INTU: variants seen among roughly 807,000 people sequenced by gnomAD.
The protein encoded by INTU is inturned planar cell polarity protein, also known as protein inturned.
Under a neutral mutation model 100.5 loss-of-function variants are expected in INTU, and 68 were observed. That is an observed-to-expected ratio of 0.68 (90% CI 0.56 to 0.83). The LOEUF (loss-of-function observed/expected upper bound fraction) is 0.83, where lower values mean the gene tolerates loss of function less well. INTU is among the 40% of genes least tolerant of loss of function. The pLI is 0.00. For missense variants in INTU, 1,071 were observed against 1,114.7 expected (o/e 0.96, Z 0.56); for synonymous variants, 357 against 395.7 (o/e 0.90, Z 1.16).
chr4:127,681,691 G>A (rs1224344836), intron 6 of INTU, among the ~76,000 whole-genome samples: 1 of 152,142 alleles, frequency 6.6e-6, no homozygotes, highest in African/African-American at 2.4e-5. Flanking sequence ...ACATAGGCAT[G>A]GGCAAGGACT....
chr4:127,650,037 C>A (rs1177268084), intron 2 of INTU, among the ~76,000 whole-genome samples: 1 of 151,912 alleles, frequency 6.6e-6, no homozygotes, highest in African/African-American at 2.4e-5. Flanking sequence ...TTTTAAAGTA[C>A]ACGGAAAAGG....
chr4:127,656,984 A>G (rs1322921052), intron 3 of INTU, among the ~76,000 whole-genome samples: 2 of 152,186 alleles, frequency 1.3e-5, no homozygotes, highest in African/African-American at 4.8e-5. Context: ...ACATAATTGC[A>G]AACTTGCCAT....
chr4:127,706,666 T>G lies in INTU; in HGVS notation c.1968T>G (p.Cys656Trp), dbSNP rs770362388. 2 of 1,614,004 alleles carry G rather than the reference T, an allele frequency of 1.2e-6. No homozygotes were observed. Among genetic ancestry groups the G allele is most frequent in the Non-Finnish European group, 1.7e-6 (2 of 1,179,982 alleles). The change falls in exon 12 of 16, where the codon TGT becomes TGG. Residue 656 changes from cysteine to tryptophan, a missense_variant. By Grantham distance (215) the Cys-to-Trp change is radical. Coordinates refer to ENST00000335251, the MANE Select transcript of INTU (RefSeq NM_015693.4). ...LASSPVPCLS[C>W]ADWFLTGSRE... ...CTTCTCCAGTCCCCTGTTTGTCTTG[T>G]GCTGACTGGTTCCTTACTGGATCAC...
At chr4:127,653,316 G>T in intron 2 of INTU, among the ~76,000 whole-genome samples, 3 of 129,978 alleles carry the variant, frequency 2.3e-5, no homozygotes, top group East Asian at 2.1e-4. Context: ...GTGATGTTAG[G>T]GTGTCAATTT....
At position 127,714,086 on chromosome 4, in the gene INTU, G is replaced by A; in HGVS notation, c.2710G>A (p.Val904Ile). The change falls in exon 15 of 16, where the codon GTA becomes ATA. Residue 904 changes from valine to isoleucine, a missense_variant. Val to Ile is a conservative substitution (Grantham distance 29). Transcript: ENST00000335251. ...KKAPPVMAYW[V>I]VGRLFLHPKP... The stretch of plus-strand genomic sequence containing the variant: ...AGCACCACCAGTTATGGCTTACTGG[G>A]TAGTAGGGTAAGTGAGAAAAAAAAG... The A allele has an allele frequency of 6.2e-7, 1 of 1,609,314 alleles. No individual in the cohort carries two copies. Among genetic ancestry groups the A allele is most frequent in the Non-Finnish European group, 8.5e-7 (1 of 1,178,608 alleles).
chr4:127,656,283 A>C (rs552171949), intron 2 of INTU, among the ~76,000 whole-genome samples: 2 of 152,290 alleles, frequency 1.3e-5, no homozygotes, highest in East Asian at 3.9e-4. Flanking sequence ...GGTTAGATTC[A>C]GTTTTGTCAA....
At chr4:127,643,487 C>A (rs750461329) in intron 1 of INTU, 34 bp from the exon 2 acceptor site, 3 of 1,524,924 alleles carry the variant, frequency 2.0e-6, no homozygotes, top group African/African-American at 1.4e-5. Context: ...ATATATTGGG[C>A]TGCTATTAAG....
At chr4:127,663,920 CATA>C (rs1190036381) in intron 4 of INTU, among the ~76,000 whole-genome samples, 1 of 152,000 alleles carries the variant, frequency 6.6e-6, no homozygotes, top group Non-Finnish European at 1.5e-5. Flanking sequence ...ATTACTTATA[CATA>C]ATAAAATTCA....
chr4:127,644,506 T>C (rs1269598931), intron 2 of INTU, among the ~76,000 whole-genome samples: 6 of 152,214 alleles, frequency 3.9e-5, no homozygotes, highest in Non-Finnish European at 8.8e-5. Context: ...GGTTTTCAAC[T>C]GTTTCATTTG....
At chr4:127,695,202 T>G (rs187301868) in intron 8 of INTU, among the ~76,000 whole-genome samples, 4 of 152,354 alleles carry the variant, frequency 2.6e-5, no homozygotes, top group Admixed American at 2.6e-4. Context: ...TTGTATATAC[T>G]TTGTTAAATT....
At chr4:127,696,491 T>C (rs1470964733) in intron 8 of INTU, among the ~76,000 whole-genome samples, 1 of 152,164 alleles carries the variant, frequency 6.6e-6, no homozygotes, top group Non-Finnish European at 1.5e-5. Context: ...ATTCTTCTCC[T>C]ATCCTTTTAA....
chr4:127,674,660 A>G (rs1056581738), intron 6 of INTU, among the ~76,000 whole-genome samples: 1 of 152,208 alleles, frequency 6.6e-6, no homozygotes. Flanking sequence ...CTCTAATGGT[A>G]CATCTTATAT....
chr4:127,713,602 G>T (rs1454987026), intron 14 of INTU, among the ~76,000 whole-genome samples: 3 of 152,240 alleles, frequency 2.0e-5, no homozygotes, highest in South Asian at 2.1e-4. Context: ...ATTGCATATT[G>T]TCTCTTCCCT....
chr4:127,654,589 C>T (rs13238742), intron 2 of INTU, among the ~76,000 whole-genome samples: 2 of 152,000 alleles, frequency 1.3e-5, no homozygotes, highest in African/African-American at 2.4e-5. Flanking sequence ...TGCCGAGAGA[C>T]CCGCTGTTAG....
intron 8 of INTU, among the ~76,000 whole-genome samples, chr4:127,698,235 G>C (rs1730482875): frequency 6.6e-6 from 1 of 152,230 alleles, no homozygotes; most frequent in Admixed American, 6.5e-5. Context: ...GGCCGAGGTG[G>C]GAGGATCACA....
chr4:127,645,921 A>T (rs982296230), intron 2 of INTU, among the ~76,000 whole-genome samples: 4 of 151,904 alleles, frequency 2.6e-5, no homozygotes, highest in African/African-American at 9.7e-5. Flanking sequence ...GGTGGCTAAC[A>T]CTTGTAATCC....
rs111300293 is a variant in INTU, at chr4:127,697,262, C to T, written c.1450-2748C>T. On this transcript the variant is annotated intron_variant, in intron 8 of 15. Coordinates refer to ENST00000335251, the MANE Select transcript of INTU (RefSeq NM_015693.4). ...CATTTCACCATCTAATAAAGAAATT[C>T]CGTGACCATTCGTAGTTATTATTTA... 2.4e-3 allele frequency among the ~76,000 whole-genome samples: 372 copies of T among 152,266 alleles called. 1 individual carries two copies. The highest frequency in any genetic ancestry group is 3.1e-3 in the Non-Finnish European group (212 of 68,010).
In INTU at chr4:127,701,073, A is replaced by C. The variant is rs529351051; in HGVS notation, c.1503+1010A>C. On this transcript the variant is annotated intron_variant, in intron 9 of 15. Transcript: ENST00000335251. ...TTAATATCACAAACAGAAAAACAGC[A>C]GATAATATGTTGTTCCTGATGGAAG... Among the ~76,000 whole-genome samples, 15 of 152,282 alleles carry C rather than the reference A, an allele frequency of 9.9e-5. No homozygotes were observed. In the East Asian group the frequency reaches 1.3e-3, roughly 14 times the overall value.
Position 127,659,619 on chromosome 4 carries a change from C to A in INTU, c.768+2898C>A, listed in dbSNP as rs534104563. 8.5e-4 allele frequency among the ~76,000 whole-genome samples: 130 copies of A among 152,316 alleles called. 1 individual carries two copies. The highest frequency in any genetic ancestry group is 3.0e-3 in the African/African-American group (124 of 41,566). ...CAGCTCTGTGCTCTCATTCATTTAA[C>A]AGGTACATAATCATGCTTGTAGTAC... is the stretch of plus-strand genomic sequence containing the variant. On this transcript the variant is annotated intron_variant, in intron 3 of 15. Transcript: ENST00000335251.
Sources: gnomAD v4.1 joint callset for allele counts (sites outside exome capture counted in the v4.1 genomes callset) on GRCh38, gnomAD v4.1.1 for gene constraint, MANE v1.5 for transcripts, NCBI Gene and HGNC (gene_info 2026-07-23, HGNC 2026-07-21) for gene names.